Variants in ADGRG1 observed in about 807,000 individuals in gnomAD.
The protein encoded by ADGRG1 is adhesion G protein-coupled receptor G1.
Under a neutral mutation model 73.5 loss-of-function variants are expected in ADGRG1, and 53 were observed. That is an observed-to-expected ratio of 0.72 (90% CI 0.58 to 0.91). The LOEUF (loss-of-function observed/expected upper bound fraction) is 0.91. Ranked by LOEUF, ADGRG1 falls within the 40% of genes least tolerant of loss-of-function variation. The pLI is 0.00. For missense variants in ADGRG1, 795 were observed against 871.8 expected (o/e 0.91, Z 1.11); for synonymous variants, 394 against 374.4 (o/e 1.05, Z -0.60).
intron 1 of ADGRG1, chr16:57,636,654 G>A (rs1442677217): frequency 1.0e-6 from 1 of 985,078 alleles, no homozygotes; most frequent in African/African-American, 1.7e-5. Flanking sequence ...ATCAGGAATG[G>A]CTCCTTTTGG....
upstream of ADGRG1, chr16:57,626,546 G>C: frequency 1.0e-6 from 1 of 977,956 alleles, no homozygotes; most frequent in South Asian, 4.7e-5. Context: ...GACGGTGAGA[G>C]AGGCAGGCAG....
At chr16:57,658,361 G>A (rs898386262) in intron 10 of ADGRG1, among the ~76,000 whole-genome samples, 6 of 152,242 alleles carry the variant, frequency 3.9e-5, no homozygotes, top group African/African-American at 1.4e-4. Flanking sequence ...CAGCAAGGAA[G>A]TGGCAGAGGT....
intron 1 of ADGRG1, chr16:57,641,485 G>C: frequency 1.0e-6 from 1 of 985,336 alleles, no homozygotes; most frequent in Non-Finnish European, 1.2e-6. Flanking sequence ...GTCCCTTCAA[G>C]ACAGGCTGGT....
intron 1 of ADGRG1, chr16:57,635,076 G>A: frequency 1.0e-6 from 1 of 985,352 alleles, no homozygotes; most frequent in Non-Finnish European, 1.2e-6. Flanking sequence ...AACAGGGAGA[G>A]GCTGAGGGAG....
chr16:57,656,458 C>G (rs1177133546), intron 8 of ADGRG1, 56 bp from the exon 9 acceptor site: 1 of 1,583,870 alleles, frequency 6.3e-7, no homozygotes, highest in African/African-American at 1.3e-5. Flanking sequence ...GGGGTGGACA[C>G]AGTGGGGTCC....
At position 57,665,205 on chromosome 16, in the gene ADGRG1, C is replaced by T. The variant is rs1351854536; in HGVS notation, c.*1623C>T. On this transcript the variant is annotated 3_prime_UTR_variant, in exon 14 of 14. Coordinates refer to ENST00000562631, the MANE Select transcript of ADGRG1 (RefSeq NM_201525.4). ...GCTGGAAACCTCATCAACCAGGGCA[C>T]AGGGGAAGATAAATGGCAACTTGGT... 1 of 151,806 alleles carries T rather than the reference C, an allele frequency of 6.6e-6. No homozygotes were observed. The highest frequency in any genetic ancestry group is 1.5e-5 in the Non-Finnish European group (1 of 68,020). The allele number at this position is 151,806 out of a possible 1,614,324, so 9.4% of individuals were successfully genotyped here. A position where few individuals can be genotyped will look rare whatever the true frequency, so the allele number is the denominator to read the frequency against.
intron 1 of ADGRG1, chr16:57,643,322 C>T (rs1326211980): frequency 6.6e-6 from 1 of 152,636 alleles, no homozygotes; most frequent in African/African-American, 2.4e-5. Context: ...AGCAAATGCC[C>T]AGTTCCGCAT....
intron 1 of ADGRG1, chr16:57,648,497 G>A: frequency 1.0e-6 from 1 of 970,844 alleles, no homozygotes; most frequent in African/African-American, 1.8e-5. Context: ...CACATGGTGG[G>A]ACGCAGGGAA....
chr16:57,646,770 TA>T (rs1159050432), intron 1 of ADGRG1: 1 of 915,820 alleles, frequency 1.1e-6, no homozygotes, highest in African/African-American at 1.8e-5. Flanking sequence ...TCCGCATCTG[TA>T]AAATGGTAGC....
At chr16:57,622,684 C>A in intron 2 of ADGRG1, 1 of 744,622 alleles carries the variant, frequency 1.3e-6, no homozygotes, top group Non-Finnish European at 1.6e-6. Context: ...GCCAGAATGA[C>A]CTGTTCTGGA....
intron 1 of ADGRG1, chr16:57,641,210 C>G: frequency 1.1e-6 from 1 of 873,182 alleles, no homozygotes; most frequent in Non-Finnish European, 1.4e-6. Context: ...ACAGGCTGGC[C>G]TCAAGATTCC....
Position 57,651,289 on chromosome 16 carries a change from C to A in ADGRG1, c.154C>A (p.Pro52Thr), listed in dbSNP as rs754223248. 7 of 1,614,182 alleles carry A rather than the reference C, an allele frequency of 4.3e-6. No homozygotes were observed. Among genetic ancestry groups the A allele is most frequent in the Non-Finnish European group, 5.9e-6 (7 of 1,180,010 alleles). The change falls in exon 3 of 14, where the codon CCA (proline) becomes ACA (threonine). Residue 52 changes from proline to threonine, a missense_variant. Coordinates refer to ENST00000562631, the MANE Select transcript of ADGRG1 (RefSeq NM_201525.4). ...HRSSLHYKPTPDLRISIENSE... is the reference protein window; with the variant it reads ...HRSSLHYKPTTDLRISIENSE... ...GAGCAGCCTCCACTACAAACCCACA[C>A]CAGACCTGCGCATCTCCATCGAGAA...
At chr16:57,640,853 G>T (rs2040648066) in intron 1 of ADGRG1, 1 of 984,610 alleles carries the variant, frequency 1.0e-6, no homozygotes, top group African/African-American at 1.7e-5. Flanking sequence ...ATGGGAGTTT[G>T]CCAGACCTGG....
rs140781731 is a variant in ADGRG1, at chr16:57,651,338, A to C, written c.203A>C (p.His68Pro). 6.2e-7 allele frequency: 1 copy of C among 1,613,834 alleles called. No individual in the cohort carries two copies. Among genetic ancestry groups the C allele is most frequent in the African/African-American group, 1.3e-5 (1 of 74,846 alleles). Residue 68 changes from histidine to proline, a missense_variant, in exon 3 of 14, where the codon CAT becomes CCT. Physicochemically the swap from His to Pro is moderately conservative, Grantham distance 77. Transcript: ENST00000562631. ...IENSEEALTV[H>P]APFPAAHPAS... ...AACTCCGAAGAGGCCCTCACAGTCCATGCCCCTTTCCCTGCAGCCCACCCT... is the reference window on the plus strand; with the variant it reads ...AACTCCGAAGAGGCCCTCACAGTCCCTGCCCCTTTCCCTGCAGCCCACCCT...
chr16:57,652,462 G>A (rs551287849), intron 3 of ADGRG1, among the ~76,000 whole-genome samples: 3 of 152,302 alleles, frequency 2.0e-5, no homozygotes, highest in Admixed American at 2.0e-4. Context: ...GTGGTGGGGG[G>A]TTCCCCACAC....
intron 1 of ADGRG1, chr16:57,646,528 C>T (rs1466193010): frequency 8.1e-6 from 8 of 985,266 alleles, no homozygotes; most frequent in Non-Finnish European, 9.6e-6. Context: ...GCTCTGGAAG[C>T]TGGGGGTTGT....
intron 2 of ADGRG1, chr16:57,650,998 G>C: frequency 1.0e-6 from 1 of 976,728 alleles, no homozygotes. Flanking sequence ...GTGAGCCACC[G>C]CGCCCGGCCT....
At chr16:57,636,030 T>C (rs1466132) in intron 1 of ADGRG1, 479,341 of 984,982 alleles carry the variant, frequency 0.49, 120,438 homozygotes, top group African/African-American at 0.81. Context: ...GCCTGCTAGA[T>C]CGCAGGACCC....
chr16:57,646,842 C>G (rs971646174), intron 1 of ADGRG1: 36 of 840,550 alleles, frequency 4.3e-5, no homozygotes, highest in Admixed American at 3.7e-4. Context: ...GATGTCACCA[C>G]TAACATTATC....
Sources: gnomAD v4.1 joint callset for allele counts (sites outside exome capture counted in the v4.1 genomes callset) on GRCh38, gnomAD v4.1.1 for gene constraint, MANE v1.5 for transcripts, NCBI Gene and HGNC (gene_info 2026-07-23, HGNC 2026-07-21) for gene names.